FGD3: variants seen among roughly 807,000 people sequenced by gnomAD.
FGD3 encodes the protein FYVE, RhoGEF and PH domain-containing protein 3.
In FGD3, 45 loss-of-function variants were observed where a neutral mutation model predicts 71.8. That is an observed-to-expected ratio of 0.63 (90% CI 0.49 to 0.80). FGD3 has a LOEUF of 0.80. Ranked by LOEUF, FGD3 falls within the 30% of genes least tolerant of loss-of-function variation. The pLI, the probability that FGD3 is intolerant of heterozygous loss-of-function variation, is 0.00. For missense variants in FGD3, 844 were observed against 951.5 expected (o/e 0.89, Z 1.49); for synonymous variants, 378 against 392.8 (o/e 0.96, Z 0.44).
At chr9:93,022,648 G>A (rs563979352) in intron 14 of FGD3, among the ~76,000 whole-genome samples, 1 of 152,294 alleles carries the variant, frequency 6.6e-6, no homozygotes, top group East Asian at 1.9e-4. Flanking sequence ...AGGCCTGTCA[G>A]TGTGGGGATG....
At chr9:93,031,102 GGATGGATGGAT>G (rs1231662112) in intron 15 of FGD3, among the ~76,000 whole-genome samples, 2 of 152,030 alleles carry the variant, frequency 1.3e-5, no homozygotes, top group African/African-American at 2.4e-5. Flanking sequence ...AAGGGATGAT[GGATGGATGGAT>G]GATGGATGGA....
Position 92,969,987 on chromosome 9 carries a change from A to G in FGD3, c.-217-5251A>G, listed in dbSNP as rs183928200. 1.3e-4 allele frequency among the ~76,000 whole-genome samples: 20 copies of G among 152,318 alleles called. No individual in the cohort carries two copies. The highest frequency in any genetic ancestry group is 5.9e-4 in the Admixed American group (9 of 15,300). On this transcript the variant is annotated intron_variant, in intron 1 of 17. Coordinates refer to ENST00000375482, the MANE Select transcript of FGD3 (RefSeq NM_001083536.2). This position sits in a 1 kb window ranked among gnomAD's most constrained non-coding sequence, Gnocchi z 4.5. ...TTCCCTGGCTGAGTCCACAGTGGGC[A>G]CGGCTCATCTGGGTCAGCAGCTCCA...
In FGD3 at chr9:93,006,061, C is replaced by T. The variant is rs529491964; in HGVS notation, c.718C>T (p.Leu240=). 11 of 1,612,040 alleles carry T rather than the reference C, an allele frequency of 6.8e-6. No individual in the cohort carries two copies. Among genetic ancestry groups the T allele is most frequent in the African/African-American group, 1.3e-5 (1 of 74,914 alleles). The part of the protein sequence containing the change: ...NPRLGDILQK[L]APFLKMYGEY... The stretch of plus-strand genomic sequence containing the variant: ...ACGGCTCGGGGACATCCTGCAGAAG[C>T]TGGCCCCATTCCTGAAGATGTACGG... Residue 240 remains leucine (L), a synonymous_variant, in exon 6 of 18, where the codon CTG becomes TTG. Transcript: ENST00000375482.
intron 1 of FGD3, among the ~76,000 whole-genome samples, chr9:92,958,377 C>T (rs1489244299): frequency 6.6e-6 from 1 of 152,176 alleles, no homozygotes; most frequent in Non-Finnish European, 1.5e-5. Context: ...CCCATATATT[C>T]CCTGACCCCA....
intron 16 of FGD3, chr9:93,033,502 C>G (rs1404395697): frequency 1.2e-5 from 2 of 161,564 alleles, no homozygotes; most frequent in Non-Finnish European, 2.7e-5. Flanking sequence ...CCTCCCCCTC[C>G]CCTTCTCCTC....
At chr9:93,024,228 T>C (rs1862038309) in intron 14 of FGD3, among the ~76,000 whole-genome samples, 1 of 152,192 alleles carries the variant, frequency 6.6e-6, no homozygotes, top group Non-Finnish European at 1.5e-5. Flanking sequence ...TGTGTACTCA[T>C]AGTGTGAGTG....
chr9:93,004,289 AC>A, intron 5 of FGD3, 152 bp downstream of exon 5: 1 of 962,264 alleles, frequency 1.0e-6, no homozygotes, highest in Non-Finnish European at 1.5e-6. Flanking sequence ...TCCAGACTCC[AC>A]CCCTTCCTGG....
At chr9:93,027,050 G>C (rs1483907388) in intron 14 of FGD3, among the ~76,000 whole-genome samples, 1 of 152,240 alleles carries the variant, frequency 6.6e-6, no homozygotes, top group Non-Finnish European at 1.5e-5. Flanking sequence ...TTGGGTGTGA[G>C]AGAAACTGCA....
At chr9:93,010,772 G>A (rs974309828) in intron 7 of FGD3, among the ~76,000 whole-genome samples, 4 of 151,958 alleles carry the variant, frequency 2.6e-5, no homozygotes, top group African/African-American at 9.7e-5. Flanking sequence ...AGCAGCCCAG[G>A]AAGGGACTTA....
chr9:93,005,943 C>A (rs1247979114), intron 5 of FGD3, 81 bp from the exon 6 acceptor site: 7 of 1,483,132 alleles, frequency 4.7e-6, no homozygotes, highest in Non-Finnish European at 6.3e-6. Context: ...CCCCACACCC[C>A]CCTGGTGGAG....
At chr9:93,028,040 G>T (rs1386578812) in intron 14 of FGD3, among the ~76,000 whole-genome samples, 3 of 151,900 alleles carry the variant, frequency 2.0e-5, no homozygotes, top group Non-Finnish European at 2.9e-5. Flanking sequence ...TAAACCTGAA[G>T]AGTTTATGTT....
intron 6 of FGD3, among the ~76,000 whole-genome samples, chr9:93,009,680 G>A (rs1030863779): frequency 9.9e-5 from 15 of 152,212 alleles, no homozygotes; most frequent in Non-Finnish European, 1.9e-4. Flanking sequence ...TGCAGGGTGC[G>A]AGGGGAGGCA....
intron 12 of FGD3, 97 bp downstream of exon 12, chr9:93,019,958 G>A: frequency 7.7e-7 from 1 of 1,303,780 alleles, no homozygotes; most frequent in South Asian, 1.2e-5. Flanking sequence ...TGGCCTCCGG[G>A]ACTGCTGGCC....
intron 3 of FGD3, among the ~76,000 whole-genome samples, chr9:92,996,124 G>T (rs1034773463): frequency 7.9e-5 from 12 of 152,064 alleles, no homozygotes; most frequent in African/African-American, 2.9e-4. Flanking sequence ...TTTTTGGTTG[G>T]TAGGCTATTA....
At chr9:92,989,092 C>T (rs1254269708) in intron 3 of FGD3, among the ~76,000 whole-genome samples, 1 of 152,088 alleles carries the variant, frequency 6.6e-6, no homozygotes, top group African/African-American at 2.4e-5. Context: ...GCTCTGTCAC[C>T]CAGGCTGGAG....
At chr9:93,027,755 T>G (rs1295656412) in intron 14 of FGD3, among the ~76,000 whole-genome samples, 1 of 142,734 alleles carries the variant, frequency 7.0e-6, no homozygotes, top group Admixed American at 7.3e-5. Flanking sequence ...GATCTTGCTG[T>G]GCTCTCCAGG....
chr9:93,033,055 C>T (rs1214709102), intron 16 of FGD3, 182 bp downstream of exon 16: 4 of 683,888 alleles, frequency 5.8e-6, no homozygotes, highest in Admixed American at 4.1e-5. Context: ...CCCGTGTGTG[C>T]ACGCTGGCTT....
intron 3 of FGD3, among the ~76,000 whole-genome samples, chr9:92,980,226 G>T (rs544577690): frequency 6.6e-6 from 1 of 152,124 alleles, no homozygotes; most frequent in African/African-American, 2.4e-5. Flanking sequence ...TCACCGTTTT[G>T]GCCAGGGTGA....
chr9:92,964,442 A>C (rs932650755), intron 1 of FGD3: 1 of 152,294 alleles, frequency 6.6e-6, no homozygotes, highest in Admixed American at 6.6e-5. Context: ...CATTCAGGGC[A>C]GGAGCCATTT....
Sources: allele counts gnomAD v4.1 joint callset (sites outside exome capture counted in the v4.1 genomes callset), GRCh38; gene constraint gnomAD v4.1.1; non-coding constraint Gnocchi (gnomAD v3.1); transcripts MANE v1.5; gene names NCBI Gene and HGNC (gene_info 2026-07-23, HGNC 2026-07-21).